The following ZNF44 variants were observed in gnomAD, a reference collection of about 807,000 sequenced individuals.
ZNF44 encodes the protein zinc finger protein 44.
In ZNF44, 9 loss-of-function variants were observed where a neutral mutation model predicts 11.7. The ratio of observed to expected loss-of-function variants is 0.77; its 90% CI spans 0.46 to 1.35. The LOEUF is 1.35. Ranked by LOEUF, ZNF44 falls within the 40% of genes most tolerant of loss-of-function variation. The pLI is 0.00. For synonymous variants in ZNF44, 224 were observed against 242.7 expected (o/e 0.92, Z 0.72); for missense variants, 696 against 743.1 (o/e 0.94, Z 0.74).
At chr19:12,265,821 T>C (rs111994352) in intron 5 of ZNF44, among the ~76,000 whole-genome samples, 1 of 152,220 alleles carries the variant, frequency 6.6e-6, no homozygotes, top group South Asian at 2.1e-4. Flanking sequence ...CACAGTAAGT[T>C]TTCCCTAAAA....
At chr19:12,241,761 T>TAGTC (rs1215067670), upstream of ZNF44, among the ~76,000 whole-genome samples, 1 of 152,092 alleles carries the variant, frequency 6.6e-6, no homozygotes, top group African/African-American at 2.4e-5. Flanking sequence ...GTATTCAGAG[T>TAGTC]AGTCAAAAGA....
intron 3 of ZNF44, among the ~76,000 whole-genome samples, chr19:12,227,958 ATAAGGTAAGATTTTTATAGACCC>A (rs756034810): frequency 3.9e-5 from 6 of 152,212 alleles, no homozygotes; most frequent in Non-Finnish European, 7.3e-5. Flanking sequence ...ATGTTTGACC[ATAAGGTAAGATTTTTATAGACCC>A]TTTTTAACCC....
downstream of ZNF44, among the ~76,000 whole-genome samples, chr19:12,267,888 G>A (rs1917791203): frequency 6.6e-6 from 1 of 150,756 alleles, no homozygotes; most frequent in African/African-American, 2.4e-5. Context: ...CCAGGCTGGA[G>A]TACAGTGGTG....
At chr19:12,252,681 G>A (rs766078960) in intron 5 of ZNF44, among the ~76,000 whole-genome samples, 1 of 151,778 alleles carries the variant, frequency 6.6e-6, no homozygotes, top group Non-Finnish European at 1.5e-5. Context: ...CTAGAAAGAG[G>A]GCTTGGGATA....
intron 1 of ZNF44, among the ~76,000 whole-genome samples, chr19:12,292,770 A>G (rs1968062350): frequency 6.6e-6 from 1 of 151,364 alleles, no homozygotes. Flanking sequence ...CCTGAATAAC[A>G]CCATCCAATT....
intron 5 of ZNF44, among the ~76,000 whole-genome samples, chr19:12,253,169 G>A (rs897464492): frequency 4.7e-5 from 7 of 148,558 alleles, no homozygotes; most frequent in East Asian, 3.9e-4. Flanking sequence ...GATTACAGGC[G>A]TAAGCCACTG....
At chr19:12,268,852 T>C (rs925317810), downstream of ZNF44, among the ~76,000 whole-genome samples, 3 of 151,898 alleles carry the variant, frequency 2.0e-5, no homozygotes, top group African/African-American at 7.3e-5. Flanking sequence ...CAAGCAATCC[T>C]TCCACCTCAG....
intron 2 of ZNF44, among the ~76,000 whole-genome samples, chr19:12,231,537 C>G (rs184580305): frequency 6.6e-6 from 1 of 152,160 alleles, no homozygotes; most frequent in Non-Finnish European, 1.5e-5. Flanking sequence ...TGCAACAGAT[C>G]ATGAGACATT....
intron 1 of ZNF44, among the ~76,000 whole-genome samples, chr19:12,292,296 G>GGAGA (rs1968038543): frequency 1.3e-5 from 2 of 151,946 alleles, no homozygotes. Context: ...GGCAACAGAG[G>GGAGA]GAGACCCTGT....
intron 5 of ZNF44, among the ~76,000 whole-genome samples, chr19:12,258,160 CAAAAAAAAAAAA>C (rs770370872): frequency 7.2e-5 from 4 of 55,902 alleles, no homozygotes; most frequent in African/African-American, 1.3e-4. Flanking sequence ...CTCATCTCTA[CAAAAAAAAAAAA>C]AAAAAAAAAA....
intron 3 of ZNF44, among the ~76,000 whole-genome samples, chr19:12,228,350 G>A (rs1435939197): frequency 6.6e-6 from 1 of 152,022 alleles, no homozygotes; most frequent in African/African-American, 2.4e-5. Flanking sequence ...GGTAAGTTTG[G>A]GATTTTAATT....
At chr19:12,276,604 C>G (rs1255841455) in intron 1 of ZNF44, among the ~76,000 whole-genome samples, 11 of 152,158 alleles carry the variant, frequency 7.2e-5, no homozygotes, top group Admixed American at 7.2e-4. Flanking sequence ...TAACTTCCCT[C>G]TGAGAGTTTG....
intron 5 of ZNF44, among the ~76,000 whole-genome samples, chr19:12,256,224 C>T (rs894663120): frequency 6.6e-6 from 1 of 152,004 alleles, no homozygotes; most frequent in African/African-American, 2.4e-5. Flanking sequence ...ATGTTGCCTC[C>T]AGCAGAACAA....
intron 1 of ZNF44, among the ~76,000 whole-genome samples, chr19:12,276,674 T>A (rs2033500877): frequency 6.6e-6 from 1 of 152,194 alleles, no homozygotes; most frequent in Admixed American, 6.5e-5. Context: ...TAGGTTTGAA[T>A]GTCTTCCCCT....
chr19:12,230,484 G>C (rs997573794), exon 3 of ZNF44: 1 of 152,304 alleles, frequency 6.6e-6, no homozygotes, highest in Non-Finnish European at 1.5e-5. Context: ...AGTGTCTGAT[G>C]TTAACGTTCC....
At chr19:12,257,545 T>G in intron 5 of ZNF44, among the ~76,000 whole-genome samples, 1 of 151,650 alleles carries the variant, frequency 6.6e-6, no homozygotes, top group South Asian at 2.1e-4. Flanking sequence ...CCCAGCATTT[T>G]GGGAGGCCGG....
chr19:12,241,386 G>C (rs980068107), upstream of ZNF44, among the ~76,000 whole-genome samples: 1 of 152,126 alleles, frequency 6.6e-6, no homozygotes, highest in Non-Finnish European at 1.5e-5. Flanking sequence ...TCCACTCCTA[G>C]GTATGTATCT....
downstream of ZNF44, among the ~76,000 whole-genome samples, chr19:12,244,375 C>G (rs1916711970): frequency 6.6e-6 from 1 of 152,174 alleles, no homozygotes; most frequent in Non-Finnish European, 1.5e-5. Flanking sequence ...CGTCCCAGGC[C>G]AATCCTCACA....
chr19:12,286,027 CTCAAAAAAAAG>C (rs1220563847), intron 1 of ZNF44, among the ~76,000 whole-genome samples: 1 of 151,616 alleles, frequency 6.6e-6, no homozygotes, highest in East Asian at 1.9e-4. Flanking sequence ...TCAAAAAAAA[CTCAAAAAAAAG>C]TCAAGTCCTA....
Sources: allele counts gnomAD v4.1 joint callset (sites outside exome capture counted in the v4.1 genomes callset), GRCh38; gene constraint gnomAD v4.1.1; transcripts MANE v1.5; gene names NCBI Gene and HGNC (gene_info 2026-07-23, HGNC 2026-07-21).